TGFBR3: variants seen among roughly 807,000 people sequenced by gnomAD.
TGFBR3 encodes the protein transforming growth factor beta receptor 3.
In TGFBR3, 46 loss-of-function variants were observed where a neutral mutation model predicts 87.9. The observed-to-expected ratio is 0.52, with a 90% CI of 0.41 to 0.67. TGFBR3 has a LOEUF of 0.67. Ranked by LOEUF, TGFBR3 falls within the 30% of genes least tolerant of loss-of-function variation. The probability of loss-of-function intolerance (pLI) is 0.00; values close to 1 mark genes in which losing one functional copy is unlikely to be tolerated. For synonymous variants in TGFBR3, 381 were observed against 391.6 expected (o/e 0.97, Z 0.32); for missense variants, 866 against 1,041.9 (o/e 0.83, Z 2.32).
intron 14 of TGFBR3, among the ~76,000 whole-genome samples, chr1:91,703,082 T>TA (rs1003283214): frequency 4.7e-4 from 70 of 148,626 alleles, no homozygotes; most frequent in African/African-American, 1.2e-3. Context: ...TACACGATGT[T>TA]AAAAAAAAAA....
At chr1:91,812,896 G>T (rs1676078298) in intron 2 of TGFBR3, among the ~76,000 whole-genome samples, 1 of 152,198 alleles carries the variant, frequency 6.6e-6, no homozygotes, top group Admixed American at 6.5e-5. Context: ...TTACAGGTGT[G>T]AGCTACCGTG....
chr1:91,683,014 A>G lies in TGFBR3; in HGVS notation c.*725T>C. 2.2e-6 allele frequency: 1 copy of G among 454,556 alleles called. No individual in the cohort carries two copies. Among genetic ancestry groups the G allele is most frequent in the Middle Eastern group, 6.9e-4 (1 of 1,444 alleles). The allele number at this position is 454,556 out of a possible 1,614,324, so 28.2% of individuals were successfully genotyped here. ...TTTCTGTAGGCCTGTAAGAAATACA[A>G]AATTTGCATTAAGACATTTTGCAGT... On this transcript the variant is annotated 3_prime_UTR_variant, in exon 17 of 17. Transcript: ENST00000212355.
intron 1 of TGFBR3, among the ~76,000 whole-genome samples, chr1:91,880,148 T>C (rs1181197959): frequency 1.3e-5 from 2 of 152,220 alleles, no homozygotes; most frequent in African/African-American, 4.8e-5. Context: ...TAGCTTTTCA[T>C]ATAACCTAGA....
At chr1:91,741,800 T>C (rs1673168335) in intron 4 of TGFBR3, among the ~76,000 whole-genome samples, 1 of 152,196 alleles carries the variant, frequency 6.6e-6, no homozygotes, top group Non-Finnish European at 1.5e-5. Flanking sequence ...TGGGTCCTTA[T>C]AATCTCAACC....
chr1:91,796,834 A>AG (rs1415722185), intron 3 of TGFBR3, among the ~76,000 whole-genome samples: 2 of 151,970 alleles, frequency 1.3e-5, no homozygotes, highest in Non-Finnish European at 2.9e-5. Context: ...CTCTTGCTTC[A>AG]GCCTCCCAAG....
intron 14 of TGFBR3, among the ~76,000 whole-genome samples, chr1:91,704,327 CAAAA>C (rs68141642): frequency 3.0e-5 from 4 of 131,520 alleles, no homozygotes; most frequent in Non-Finnish European, 3.2e-5. Context: ...GACTTTGTCT[CAAAA>C]AAAAAAAAAA....
At chr1:91,881,814 T>C (rs1164201729) in intron 1 of TGFBR3, among the ~76,000 whole-genome samples, 3 of 151,474 alleles carry the variant, frequency 2.0e-5, no homozygotes, top group African/African-American at 7.3e-5. Flanking sequence ...CCGAGGCGGG[T>C]GGATCATGAG....
chr1:91,788,663 G>A (rs1301519757), intron 3 of TGFBR3, among the ~76,000 whole-genome samples: 1 of 152,230 alleles, frequency 6.6e-6, no homozygotes, highest in African/African-American at 2.4e-5. Context: ...GCAAGGAGAA[G>A]GCTCAAGCTG....
intron 3 of TGFBR3, among the ~76,000 whole-genome samples, chr1:91,796,723 T>C (rs970833053): frequency 1.3e-5 from 2 of 152,112 alleles, no homozygotes; most frequent in South Asian, 4.2e-4. Flanking sequence ...GATGAAATTA[T>C]TATTATTATT....
intron 2 of TGFBR3, among the ~76,000 whole-genome samples, chr1:91,839,753 G>A (rs776365905): frequency 2.0e-5 from 3 of 152,090 alleles, no homozygotes; most frequent in African/African-American, 4.8e-5. Flanking sequence ...GAGACAAGGC[G>A]ACTAAATGCA....
At chr1:91,884,657 G>A (rs1423090189) in intron 1 of TGFBR3, among the ~76,000 whole-genome samples, 1 of 152,184 alleles carries the variant, frequency 6.6e-6, no homozygotes, top group African/African-American at 2.4e-5. Flanking sequence ...AACCTCTAGT[G>A]TCTTATCTGT....
intron 3 of TGFBR3, among the ~76,000 whole-genome samples, chr1:91,780,551 C>CCTTTTT (rs1674722346): frequency 1.3e-5 from 1 of 77,166 alleles, no homozygotes; most frequent in Non-Finnish European, 2.3e-5. Flanking sequence ...GGGTCTAAGG[C>CCTTTTT]TTTTTTTTTT....
intron 1 of TGFBR3, among the ~76,000 whole-genome samples, chr1:91,865,013 G>A (rs1388844071): frequency 6.6e-6 from 1 of 152,002 alleles, no homozygotes; most frequent in East Asian, 1.9e-4. Flanking sequence ...GACCAGCCTG[G>A]CCAACCTGGC....
intron 2 of TGFBR3, among the ~76,000 whole-genome samples, chr1:91,826,038 T>C (rs1173944878): frequency 6.6e-6 from 1 of 151,490 alleles, no homozygotes; most frequent in Non-Finnish European, 1.5e-5. Context: ...CACAAAGGAA[T>C]ACGAAGTATC....
At chr1:91,735,702 T>C (rs1470990065) in intron 4 of TGFBR3, among the ~76,000 whole-genome samples, 1 of 152,242 alleles carries the variant, frequency 6.6e-6, no homozygotes, top group African/African-American at 2.4e-5. Flanking sequence ...TGACCTAGCA[T>C]ATCATGGTAT....
At chr1:91,766,324 C>T (rs1674185632) in intron 3 of TGFBR3, 1 of 151,844 alleles carries the variant, frequency 6.6e-6, no homozygotes, top group Admixed American at 6.6e-5. Flanking sequence ...GTGTGAGCCA[C>T]ACAGTACCTA....
At chr1:91,890,971 C>G (rs1679430986), upstream of TGFBR3, among the ~76,000 whole-genome samples, 1 of 151,388 alleles carries the variant, frequency 6.6e-6, no homozygotes, top group African/African-American at 2.4e-5. Context: ...AGTCTTGGTT[C>G]ACTGCAACCT....
chr1:91,781,677 C>T (rs772892453), intron 3 of TGFBR3, among the ~76,000 whole-genome samples: 10 of 151,670 alleles, frequency 6.6e-5, no homozygotes, highest in African/African-American at 1.5e-4. Context: ...CAAAACAGGA[C>T]GAAAAATTGC....
chr1:91,752,655 C>A (rs1444823837), intron 4 of TGFBR3, among the ~76,000 whole-genome samples: 3 of 151,916 alleles, frequency 2.0e-5, no homozygotes, highest in African/African-American at 7.3e-5. Flanking sequence ...TCTGCTTGTC[C>A]TAGGGCTCCA....
Sources: gnomAD v4.1 joint callset for allele counts (sites outside exome capture counted in the v4.1 genomes callset) on GRCh38, gnomAD v4.1.1 for gene constraint, MANE v1.5 for transcripts, NCBI Gene and HGNC (gene_info 2026-07-23, HGNC 2026-07-21) for gene names.